The following MAP7 variants were observed in gnomAD, a reference collection of about 807,000 sequenced individuals.
The protein encoded by MAP7 is ensconsin.
A neutral mutation model predicts 94.8 loss-of-function variants in MAP7; 52 were observed. That is an observed-to-expected ratio of 0.55 (90% CI 0.44 to 0.69). The LOEUF is 0.69. Among genes scored for constraint, MAP7 ranks in the 30% least tolerant of loss-of-function variants. The pLI, the probability that MAP7 is intolerant of heterozygous loss-of-function variation, is 0.00. For missense variants in MAP7, 940 were observed against 964.6 expected (o/e 0.97, Z 0.34); for synonymous variants, 350 against 357.0 (o/e 0.98, Z 0.22).
intron 1 of MAP7, among the ~76,000 whole-genome samples, chr6:136,532,102 AAT>A (rs1828517686): frequency 6.6e-6 from 1 of 152,188 alleles, no homozygotes; most frequent in Non-Finnish European, 1.5e-5. Flanking sequence ...ACAGGTACAA[AAT>A]GAAGACCTAC....
At chr6:136,509,834 G>C (rs544447364) in intron 1 of MAP7, among the ~76,000 whole-genome samples, 2 of 152,310 alleles carry the variant, frequency 1.3e-5, no homozygotes, top group Admixed American at 6.5e-5. Context: ...TGGATTACAG[G>C]CGTGAGCTAT....
intron 1 of MAP7, among the ~76,000 whole-genome samples, chr6:136,465,173 C>T (rs1267034810): frequency 6.6e-6 from 1 of 152,210 alleles, no homozygotes; most frequent in Non-Finnish European, 1.5e-5. Context: ...CATGCAGCTT[C>T]TGTGTTATCT....
chr6:136,463,100 G>C (rs1158229667), intron 1 of MAP7, among the ~76,000 whole-genome samples: 2 of 152,008 alleles, frequency 1.3e-5, no homozygotes, highest in Non-Finnish European at 2.9e-5. Flanking sequence ...ATTTCCACCA[G>C]AGTTTTATGC....
At chr6:136,488,619 A>G (rs930431077) in intron 1 of MAP7, among the ~76,000 whole-genome samples, 3 of 151,464 alleles carry the variant, frequency 2.0e-5, no homozygotes, top group Non-Finnish European at 4.4e-5. Context: ...TAATTTTTGT[A>G]TTTTTAGTAG....
chr6:136,471,323 C>T (rs1234520561), intron 1 of MAP7, among the ~76,000 whole-genome samples: 1 of 152,202 alleles, frequency 6.6e-6, no homozygotes, highest in Non-Finnish European at 1.5e-5. Flanking sequence ...CAGCACATCA[C>T]TTGCTCTGGA....
At chr6:136,521,245 G>A (rs1326247552) in intron 1 of MAP7, among the ~76,000 whole-genome samples, 1 of 152,132 alleles carries the variant, frequency 6.6e-6, no homozygotes, top group Admixed American at 6.5e-5. Context: ...CTTAGCTACA[G>A]ACTAAATATG....
intron 3 of MAP7, among the ~76,000 whole-genome samples, chr6:136,396,441 T>C (rs1196828272): frequency 6.6e-6 from 1 of 152,152 alleles, no homozygotes; most frequent in East Asian, 1.9e-4. Flanking sequence ...TATCCATACT[T>C]AGAGATTTTT....
chr6:136,409,977 G>A (rs1359331308), intron 3 of MAP7, among the ~76,000 whole-genome samples: 1 of 152,298 alleles, frequency 6.6e-6, no homozygotes, highest in South Asian at 2.1e-4. Context: ...AACTTTTAGG[G>A]AGAACTGCAA....
intron 1 of MAP7, among the ~76,000 whole-genome samples, chr6:136,497,284 A>G (rs1308184993): frequency 6.6e-6 from 1 of 151,940 alleles, no homozygotes; most frequent in Non-Finnish European, 1.5e-5. Flanking sequence ...GGCCTCCCCA[A>G]TATTTTTGCC....
Position 136,355,269 on chromosome 6 carries a change from A to T in MAP7, c.2015+1423T>A, listed in dbSNP as rs185996574. On this transcript the variant is annotated intron_variant, in intron 16 of 17. Coordinates refer to ENST00000354570, the MANE Select transcript of MAP7 (RefSeq NM_003980.6). ...GGTATCTTTTATTCTTTTTTTTTTA[A>T]AAAAGAAATCTCTGAAGTCAATGAA... 2.7e-3 allele frequency among the ~76,000 whole-genome samples: 410 copies of T among 149,616 alleles called. 7 individuals carry two copies. The East Asian group carries it at 0.03, about 11-fold the overall frequency.
chr6:136,434,433 A>C (rs1489105642), intron 1 of MAP7, among the ~76,000 whole-genome samples: 1 of 152,130 alleles, frequency 6.6e-6, no homozygotes, highest in Non-Finnish European at 1.5e-5. Context: ...AATAGGACCA[A>C]GCAAGGGCTT....
At chr6:136,366,972 A>T (rs1000610131) in intron 8 of MAP7, among the ~76,000 whole-genome samples, 1 of 152,134 alleles carries the variant, frequency 6.6e-6, no homozygotes, top group Non-Finnish European at 1.5e-5. Flanking sequence ...GTCCTTCTTC[A>T]CCTACTGTCC....
intron 1 of MAP7, among the ~76,000 whole-genome samples, chr6:136,536,065 A>T (rs1387312516): frequency 1.3e-5 from 2 of 152,164 alleles, no homozygotes; most frequent in African/African-American, 4.8e-5. Flanking sequence ...GTCCCTACAA[A>T]GGACATGAAC....
In MAP7 at chr6:136,420,254, G is replaced by A; in HGVS notation, c.166+1447C>T. 4 of 963,660 alleles carry A rather than the reference G, an allele frequency of 4.2e-6. No homozygotes were observed. The South Asian group carries it at 5.2e-5, about 12-fold the overall frequency. The allele number at this position is 963,660 out of a possible 1,614,324, so 59.7% of individuals were successfully genotyped here. On this transcript the variant is annotated intron_variant, in intron 2 of 17. Transcript: ENST00000354570. ...TAGAAATCTGACAGGGCCGCGCCAG[G>A]TAAAACATCGCAGAAGAGCCGGCCA...
intron 1 of MAP7, among the ~76,000 whole-genome samples, chr6:136,502,527 G>A (rs1484552862): frequency 2.0e-5 from 3 of 152,228 alleles, no homozygotes; most frequent in African/African-American, 7.2e-5. Flanking sequence ...AAGTAGTGGA[G>A]TGGCACACAG....
intron 1 of MAP7, among the ~76,000 whole-genome samples, chr6:136,525,345 T>C (rs916560126): frequency 3.9e-4 from 60 of 152,186 alleles, no homozygotes; most frequent in African/African-American, 1.4e-3. Flanking sequence ...CATTTTAGTA[T>C]AGAAAGGGAA....
chr6:136,445,234 C>T (rs1295585881), intron 1 of MAP7, among the ~76,000 whole-genome samples: 3 of 152,124 alleles, frequency 2.0e-5, no homozygotes, highest in Non-Finnish European at 4.4e-5. Context: ...GGCTTCCCTC[C>T]AGTAGGGAGA....
chr6:136,527,498 C>G (rs866002156), intron 1 of MAP7, among the ~76,000 whole-genome samples: 6 of 152,184 alleles, frequency 3.9e-5, no homozygotes, highest in African/African-American at 4.8e-5. Context: ...AATATCCTCT[C>G]TAAATCTCTT....
chr6:136,548,534 G>T (rs1283191604), intron 1 of MAP7, among the ~76,000 whole-genome samples: 2 of 152,156 alleles, frequency 1.3e-5, no homozygotes, highest in East Asian at 1.9e-4. Context: ...TTAGGCAAAA[G>T]TGTGGAAGAA....
Sources: gnomAD v4.1 joint callset for allele counts (sites outside exome capture counted in the v4.1 genomes callset) on GRCh38, gnomAD v4.1.1 for gene constraint, MANE v1.5 for transcripts, NCBI Gene and HGNC (gene_info 2026-07-23, HGNC 2026-07-21) for gene names.